The following STK33 variants were observed in gnomAD, a reference collection of about 807,000 sequenced individuals.
STK33 encodes serine/threonine kinase 33.
A neutral mutation model predicts 58.0 loss-of-function variants in STK33; 52 were observed. The ratio of observed to expected loss-of-function variants is 0.90; its 90% CI spans 0.72 to 1.13. The LOEUF (loss-of-function observed/expected upper bound fraction) is 1.13. Ranked by LOEUF, STK33 falls within the 50% of genes most tolerant of loss-of-function variation. STK33 has a pLI of 0.00. For missense variants in STK33, 630 were observed against 604.2 expected (o/e 1.04, Z -0.45); for synonymous variants, 215 against 200.1 (o/e 1.07, Z -0.63).
intron 11 of STK33, among the ~76,000 whole-genome samples, chr11:8,451,286 A>G (rs903767911): frequency 6.6e-6 from 1 of 152,212 alleles, no homozygotes; most frequent in African/African-American, 2.4e-5. Flanking sequence ...GTACATGAAT[A>G]TTCATAGCAG....
intron 1 of STK33, among the ~76,000 whole-genome samples, chr11:8,583,921 T>G (rs1410651649): frequency 6.6e-6 from 1 of 151,986 alleles, no homozygotes; most frequent in Non-Finnish European, 1.5e-5. Context: ...AAGGAATGGC[T>G]TATTAATAAC....
the STK33 span, among the ~76,000 whole-genome samples, chr11:8,346,767 C>A: frequency 6.6e-6 from 1 of 152,198 alleles, no homozygotes; most frequent in Non-Finnish European, 1.5e-5. Flanking sequence ...TCAAGCCAGG[C>A]ACATGGCCTC....
chr11:8,534,664 T>TA (rs34519395), intron 1 of STK33, among the ~76,000 whole-genome samples: 2,225 of 150,598 alleles, frequency 0.015, 50 homozygotes, highest in African/African-American at 0.049. Flanking sequence ...TTCTAAGGCA[T>TA]AAAAAAATGG....
chr11:8,446,892 C>G (rs918538218), intron 11 of STK33, among the ~76,000 whole-genome samples: 1 of 152,162 alleles, frequency 6.6e-6, no homozygotes, highest in Admixed American at 6.5e-5. Context: ...CAATACCATT[C>G]AGGATATAGG....
At chr11:8,449,802 A>T (rs542689626) in intron 11 of STK33, among the ~76,000 whole-genome samples, 17 of 152,168 alleles carry the variant, frequency 1.1e-4, no homozygotes, top group African/African-American at 3.6e-4. Flanking sequence ...GAAAGAAAAA[A>T]GCTCATCATC....
intron 2 of STK33, among the ~76,000 whole-genome samples, chr11:8,479,145 T>G (rs1302859993): frequency 6.6e-6 from 1 of 152,110 alleles, no homozygotes; most frequent in East Asian, 1.9e-4. Context: ...CCGGGTGCGG[T>G]GGCTCACGCC....
intron 1 of STK33, among the ~76,000 whole-genome samples, chr11:8,523,907 C>T (rs1375472166): frequency 1.3e-5 from 2 of 152,202 alleles, no homozygotes; most frequent in African/African-American, 2.4e-5. Context: ...AGAAAGAGAT[C>T]GGATTGTTAC....
chr11:8,561,250 A>G (rs1957092195), intron 1 of STK33, among the ~76,000 whole-genome samples: 1 of 152,100 alleles, frequency 6.6e-6, no homozygotes, highest in South Asian at 2.1e-4. Flanking sequence ...TGAATGTTTG[A>G]GAATATTGGT....
chr11:8,546,631 ACT>A (rs1236233958), intron 1 of STK33, among the ~76,000 whole-genome samples: 1 of 137,136 alleles, frequency 7.3e-6, no homozygotes, highest in Non-Finnish European at 1.5e-5. Context: ...CCATCAGTCT[ACT>A]CTCTACTTCC....
chr11:8,379,519 A>G, the STK33 span, among the ~76,000 whole-genome samples: 430 of 145,514 alleles, frequency 3.0e-3, 2 homozygotes, highest in Non-Finnish European at 4.5e-3. Flanking sequence ...AAGATATACA[A>G]ATGGCCAACA....
intron 6 of STK33, among the ~76,000 whole-genome samples, chr11:8,469,696 C>A (rs1948589837): frequency 6.6e-6 from 1 of 152,176 alleles, no homozygotes; most frequent in African/African-American, 2.4e-5. Flanking sequence ...TGAAATTTAT[C>A]TCTTAAATAA....
At chr11:8,423,896 A>T (rs1316249738) in intron 14 of STK33, among the ~76,000 whole-genome samples, 2 of 152,080 alleles carry the variant, frequency 1.3e-5, no homozygotes, top group African/African-American at 4.8e-5. Flanking sequence ...ATACATTATT[A>T]AAATTACTAT....
chr11:8,507,262 G>A (rs556961909), intron 1 of STK33, among the ~76,000 whole-genome samples: 2 of 152,178 alleles, frequency 1.3e-5, no homozygotes, highest in African/African-American at 2.4e-5. Context: ...TTCTTTCTAC[G>A]ATACCCAAAG....
At chr11:8,542,417 G>C (rs1461319523) in intron 1 of STK33, among the ~76,000 whole-genome samples, 1 of 152,192 alleles carries the variant, frequency 6.6e-6, no homozygotes, top group African/African-American at 2.4e-5. Flanking sequence ...ATCTAAAACA[G>C]TGGTTCTCAA....
At chr11:8,518,675 A>C (rs1953061614) in intron 1 of STK33, among the ~76,000 whole-genome samples, 1 of 152,216 alleles carries the variant, frequency 6.6e-6, no homozygotes, top group South Asian at 2.1e-4. Context: ...AACAAAAACA[A>C]AGCAGGGGTT....
chr11:8,422,988 G>GGT (rs1393435029), intron 14 of STK33, among the ~76,000 whole-genome samples: 9 of 150,230 alleles, frequency 6.0e-5, no homozygotes, highest in East Asian at 3.9e-4. Flanking sequence ...AGCCGGGCAT[G>GGT]GGCCACCATG....
At position 8,534,522 on chromosome 11, in the gene STK33, G is replaced by A. The variant is rs370657379; in HGVS notation, c.-465-53908C>T. ...TATTTCTTCAAACTTGTTCCAGCAA[G>A]TATATATATTTCTCTCTCTCTCTCT... On this transcript the variant is annotated intron_variant, in intron 1 of 15. Transcript: ENST00000687296. Among the ~76,000 whole-genome samples the A allele has an allele frequency of 1.0e-3, 147 of 147,518 alleles. 1 individual carries two copies. Among genetic ancestry groups the A allele is most frequent in the African/African-American group, 3.4e-3 (137 of 40,024 alleles).
intron 1 of STK33, among the ~76,000 whole-genome samples, chr11:8,505,966 G>C (rs1369700512): frequency 6.6e-6 from 1 of 152,298 alleles, no homozygotes; most frequent in East Asian, 1.9e-4. Context: ...TCACCACACT[G>C]TTGAGGATTA....
rs79595692 is a variant in STK33 at position 8,509,227 on chromosome 11, G to A, written c.-465-28613C>T. 3.0e-4 allele frequency among the ~76,000 whole-genome samples: 46 copies of A among 151,510 alleles called. No homozygotes were observed. The East Asian group carries it at 6.6e-3, about 22-fold the overall frequency. On this transcript the variant is annotated intron_variant, in intron 1 of 15. Transcript: ENST00000687296. ...CTCATATAAAGGATAAGAGTTCAAC[G>A]ATTAAATCCTATCTTTTTGGGGTAA...
Sources: gnomAD v4.1 joint callset for allele counts (sites outside exome capture counted in the v4.1 genomes callset) on GRCh38, gnomAD v4.1.1 for gene constraint, MANE v1.5 for transcripts, NCBI Gene and HGNC (gene_info 2026-07-23, HGNC 2026-07-21) for gene names.